TXLNB: variants seen among roughly 807,000 people sequenced by gnomAD.
TXLNB encodes taxilin beta.
A neutral mutation model predicts 57.4 loss-of-function variants in TXLNB; 37 were observed. The ratio of observed to expected loss-of-function variants is 0.64; its 90% CI spans 0.50 to 0.85. The LOEUF (loss-of-function observed/expected upper bound fraction) is 0.85. Among genes scored for constraint, TXLNB ranks in the 40% least tolerant of loss-of-function variants. The pLI, the probability that TXLNB is intolerant of heterozygous loss-of-function variation, is 0.00. For synonymous variants in TXLNB, 302 were observed against 309.6 expected (o/e 0.98, Z 0.26); for missense variants, 848 against 825.6 (o/e 1.03, Z -0.33).
At position 139,240,082 on chromosome 6, in the gene TXLNB, T is replaced by A. The variant is rs1394173294; in HGVS notation, c.*2444A>T. The A allele has an allele frequency of 1.3e-5, 2 of 152,270 alleles. No homozygotes were observed. The allele number at this position is 152,270 out of a possible 1,614,324, so 9.4% of individuals were successfully genotyped here. A position where few individuals can be genotyped will look rare whatever the true frequency, so the allele number is the denominator to read the frequency against. On this transcript the variant is annotated 3_prime_UTR_variant, in exon 10 of 10. Transcript: ENST00000358430. ...AGAATTTGGGAAGAGAAGTACCTTT[T>A]TAATAGATATATAAATTATAGTTAT...
chr6:139,310,941 C>T, the TXLNB span, among the ~76,000 whole-genome samples: 6 of 152,176 alleles, frequency 3.9e-5, no homozygotes, highest in African/African-American at 1.2e-4. Context: ...GTGATCCACC[C>T]GCCTCAGTCT....
chr6:139,314,002 C>A, the TXLNB span, among the ~76,000 whole-genome samples: 1 of 152,190 alleles, frequency 6.6e-6, no homozygotes, highest in Non-Finnish European at 1.5e-5. Flanking sequence ...ACAAAGAAGA[C>A]TCCTTGTAGC....
chr6:139,204,978 G>A, the TXLNB span, among the ~76,000 whole-genome samples: 62 of 152,300 alleles, frequency 4.1e-4, no homozygotes, highest in South Asian at 6.2e-4. Context: ...GAGAGTCTGA[G>A]CTCAGACCTG....
chr6:139,223,776 C>T, the TXLNB span, among the ~76,000 whole-genome samples: 5 of 152,086 alleles, frequency 3.3e-5, no homozygotes, highest in Non-Finnish European at 7.4e-5. Context: ...GAATGGCAAT[C>T]ATTAAAAAAT....
chr6:139,160,701 A>G, the TXLNB span, among the ~76,000 whole-genome samples: 1 of 152,236 alleles, frequency 6.6e-6, no homozygotes, highest in Non-Finnish European at 1.5e-5. Context: ...GGCGTGAGCC[A>G]CTGTGCCTGG....
chr6:139,202,899 T>C, the TXLNB span, among the ~76,000 whole-genome samples: 1 of 152,198 alleles, frequency 6.6e-6, no homozygotes, highest in African/African-American at 2.4e-5. Context: ...TTCTATTCTC[T>C]ACTTCTATGA....
In TXLNB at chr6:139,242,753, C is replaced by T. The variant is rs1312656413; in HGVS notation, c.1828G>A (p.Ala610Thr). The T allele has an allele frequency of 2.5e-6, 4 of 1,614,020 alleles. No homozygotes were observed. The African/African-American group carries it at 4.0e-5, about 16-fold the overall frequency. ...GGAGCCTGTGGGGCCTGACCGGAAG[C>T]TTCTGCCTCTGGCTTCCAGGACGCC... ...DQASWKPEAE[A>T]SGQAPQAPTE... Residue 610 changes from alanine to threonine, a missense_variant, in exon 10 of 10, where the codon GCT becomes ACT. Ala to Thr is a moderately conservative substitution (Grantham distance 58). Transcript: ENST00000358430.
chr6:139,306,672 C>T, the TXLNB span, among the ~76,000 whole-genome samples: 9 of 152,234 alleles, frequency 5.9e-5, no homozygotes, highest in Non-Finnish European at 2.9e-5. Flanking sequence ...CCAAACCTTT[C>T]CTCAGCCTGA....
the TXLNB span, among the ~76,000 whole-genome samples, chr6:139,163,258 C>T: frequency 8.5e-5 from 13 of 152,100 alleles, no homozygotes; most frequent in African/African-American, 3.1e-4. Context: ...CAGGATGGCT[C>T]CCACAACAGA....
chr6:139,268,397 A>C (rs1236866439), intron 4 of TXLNB, among the ~76,000 whole-genome samples: 1 of 152,170 alleles, frequency 6.6e-6, no homozygotes, highest in Non-Finnish European at 1.5e-5. Context: ...ATTTAAAGCT[A>C]ATTGTTACTT....
upstream of TXLNB, among the ~76,000 whole-genome samples, chr6:139,292,361 A>G (rs181810419): frequency 6.6e-6 from 1 of 152,286 alleles, no homozygotes; most frequent in East Asian, 1.9e-4. This position sits in a 1 kb window ranked among gnomAD's most constrained non-coding sequence, Gnocchi z 4.0. Flanking sequence ...CTTTTTGGGT[A>G]GAGATCAGTT....
chr6:139,161,504 C>T, the TXLNB span, among the ~76,000 whole-genome samples: 1,601 of 152,266 alleles, frequency 0.011, 28 homozygotes, highest in African/African-American at 0.037. Context: ...GTCTGTGTTC[C>T]ATGTGTGCAC....
rs1450931619 is a variant in TXLNB at position 139,260,221 on chromosome 6, A to G, written c.1002+97T>C. The stretch of plus-strand genomic sequence containing the variant: ...AATGACAGAACGAGACTCTGTCTCA[A>G]ATAAATAAATAAATAAATAAATACA... On this transcript the variant is annotated intron_variant, in intron 6 of 9. Transcript: ENST00000358430. 1.0e-5 allele frequency: 12 copies of G among 1,182,748 alleles called. No individual in the cohort carries two copies. The East Asian group carries it at 3.5e-4, about 35-fold the overall frequency. The allele number at this position is 1,182,748 out of a possible 1,614,324, so 73.3% of individuals were successfully genotyped here. A position where few individuals can be genotyped will look rare whatever the true frequency, so the allele number is the denominator to read the frequency against.
the TXLNB span, among the ~76,000 whole-genome samples, chr6:139,311,740 C>T: frequency 3.3e-5 from 5 of 152,320 alleles, no homozygotes; most frequent in African/African-American, 9.6e-5. Context: ...TGCAGCTCCA[C>T]CTGAACTGGA....
the TXLNB span, among the ~76,000 whole-genome samples, chr6:139,168,491 A>C: frequency 6.6e-6 from 1 of 151,558 alleles, no homozygotes; most frequent in Admixed American, 6.6e-5. Context: ...CCATCTTTCA[A>C]AGACATTTCC....
chr6:139,188,279 TGAGAA>T, the TXLNB span, among the ~76,000 whole-genome samples: 1 of 152,140 alleles, frequency 6.6e-6, no homozygotes, highest in African/African-American at 2.4e-5. Flanking sequence ...GGCAGTGAGA[TGAGAA>T]GAGGGTTGAG....
At chr6:139,260,671 G>C (rs1344197007) in intron 5 of TXLNB, among the ~76,000 whole-genome samples, 1 of 152,124 alleles carries the variant, frequency 6.6e-6, no homozygotes, top group Non-Finnish European at 1.5e-5. Flanking sequence ...AGGCACCAGA[G>C]TTCAGCAGTG....
chr6:139,242,934 T>G lies in TXLNB; in HGVS notation c.1647A>C (p.Ser549=). 1 of 1,614,122 alleles carries G rather than the reference T, an allele frequency of 6.2e-7. No individual in the cohort carries two copies. Among genetic ancestry groups the G allele is most frequent in the Non-Finnish European group, 8.5e-7 (1 of 1,180,018 alleles). Residue 549 remains serine, a synonymous_variant, in exon 10 of 10, where the codon TCA becomes TCC. Transcript: ENST00000358430. ...GAGGCAGGGGACTCTCTGAATCCCG[T>G]GAAGGGATCAGAGGGGGTTGCTCTG... is the stretch of plus-strand genomic sequence containing the variant. ...KEPEQPPLIP[S]RDSESPLPPL... is the part of the protein sequence containing the mutation.
intron 7 of TXLNB, among the ~76,000 whole-genome samples, chr6:139,250,133 G>T (rs115733953): frequency 3.3e-5 from 5 of 149,690 alleles, no homozygotes; most frequent in African/African-American, 1.2e-4. Flanking sequence ...TCCTGCATCA[G>T]CCTCCAGAGT....
Sources: allele counts gnomAD v4.1 joint callset (sites outside exome capture counted in the v4.1 genomes callset), GRCh38; gene constraint gnomAD v4.1.1; non-coding constraint Gnocchi (gnomAD v3.1); transcripts MANE v1.5; gene names NCBI Gene and HGNC (gene_info 2026-07-23, HGNC 2026-07-21).